Variants in GRIP1 observed in about 807,000 individuals in gnomAD.
The protein encoded by GRIP1 is glutamate receptor interacting protein 1, also known as glutamate receptor-interacting protein 1.
In GRIP1, 45 loss-of-function variants were observed where a neutral mutation model predicts 129.9. That is an observed-to-expected ratio of 0.35 (90% CI 0.27 to 0.44). The LOEUF (loss-of-function observed/expected upper bound fraction) is 0.44, where lower values mean the gene tolerates loss of function less well. Among genes scored for constraint, GRIP1 ranks in the 20% least tolerant of loss-of-function variants. The pLI, the probability that GRIP1 is intolerant of heterozygous loss-of-function variation, is 1.00. For missense variants in GRIP1, 1,196 were observed against 1,396.8 expected (o/e 0.86, Z 2.29); for synonymous variants, 530 against 520.8 (o/e 1.02, Z -0.24).
Position 66,940,326 on chromosome 12 carries a change from C to A in GRIP1, c.58+128724G>T, listed in dbSNP as rs548655749. 5.9e-5 allele frequency among the ~76,000 whole-genome samples: 9 copies of A among 152,230 alleles called. No individual in the cohort carries two copies. The South Asian group carries it at 1.9e-3, about 32-fold the overall frequency. On this transcript the variant is annotated intron_variant, in intron 1 of 1. Coordinates refer to the GRIP1 transcript ENST00000643019. The stretch of plus-strand genomic sequence containing the variant: ...ACCAAGATAACAGGGATAATATGCA[C>A]CATGAAATTAAATGAGAATTCTGGC...
rs1013613338 is a variant in GRIP1 at position 66,678,933 on chromosome 12, G to A, written c.-29C>T. ...TGCTCACTGCTTTCTGTGGCAAAGT[G>A]TACTCAAGGCTCTCTGCTCTGGTGG... On this transcript the variant is annotated 5_prime_UTR_variant, in exon 1 of 25. Transcript: ENST00000359742. The A allele has an allele frequency of 6.2e-7, 1 of 1,613,018 alleles. No homozygotes were observed.
chr12:66,617,060 A>G (rs2139932090), intron 1 of GRIP1, among the ~76,000 whole-genome samples: 1 of 149,524 alleles, frequency 6.7e-6, no homozygotes, highest in East Asian at 2.0e-4. Flanking sequence ...AGAGTTAGGG[A>G]GCAACTTGAC....
At chr12:66,923,160 T>A (rs1274200002) in intron 1 of GRIP1, among the ~76,000 whole-genome samples, 1 of 152,144 alleles carries the variant, frequency 6.6e-6, no homozygotes, top group African/African-American at 2.4e-5. Context: ...TATAAACAGT[T>A]ATCAGGTTGT....
In GRIP1 at chr12:67,046,425, G is replaced by A. The variant is rs2043255094; in HGVS notation, c.58+22625C>T. 2.0e-5 allele frequency among the ~76,000 whole-genome samples: 3 copies of A among 152,110 alleles called. No individual in the cohort carries two copies. The South Asian group carries it at 6.2e-4, about 31-fold the overall frequency. On this transcript the variant is annotated intron_variant, in intron 1 of 1. Transcript: ENST00000643019. ...GACATTGCTTCAGTTCCCTAGCTGG[G>A]CTTTTTGCTCTACTAGTAACACTGA...
chr12:66,734,685 G>T (rs1358639685), intron 1 of GRIP1, among the ~76,000 whole-genome samples: 2 of 152,108 alleles, frequency 1.3e-5, no homozygotes, highest in African/African-American at 4.8e-5. Flanking sequence ...AGATCAGTGT[G>T]GGAAGATAAC....
intron 15 of GRIP1, among the ~76,000 whole-genome samples, chr12:66,408,632 T>C (rs2057281719): frequency 6.6e-6 from 1 of 152,114 alleles, no homozygotes; most frequent in Admixed American, 6.5e-5. Flanking sequence ...AGAGGCTGTT[T>C]CTGCTTGAGA....
chr12:66,592,090 T>A (rs1225642372), intron 2 of GRIP1, among the ~76,000 whole-genome samples: 1 of 152,144 alleles, frequency 6.6e-6, no homozygotes, highest in Non-Finnish European at 1.5e-5. Flanking sequence ...TCTAATTATA[T>A]GAATAAAAAA....
At chr12:66,614,745 C>A (rs2064965983) in intron 1 of GRIP1, among the ~76,000 whole-genome samples, 1 of 152,132 alleles carries the variant, frequency 6.6e-6, no homozygotes, top group African/African-American at 2.4e-5. Flanking sequence ...TGTAATCCGA[C>A]CCCAACCCAT....
intron 1 of GRIP1, among the ~76,000 whole-genome samples, chr12:67,056,787 T>C (rs906221585): frequency 2.6e-5 from 4 of 152,118 alleles, no homozygotes; most frequent in African/African-American, 9.7e-5. Context: ...TGTTATGGAC[T>C]GAATGGTTTT....
At chr12:66,437,471 A>G (rs2058345037) in intron 13 of GRIP1, among the ~76,000 whole-genome samples, 2 of 152,184 alleles carry the variant, frequency 1.3e-5, no homozygotes, top group East Asian at 1.9e-4. Flanking sequence ...ATTGCCATCT[A>G]TTTGAAGTGG....
At chr12:66,703,922 A>G (rs2035437179) in intron 1 of GRIP1, among the ~76,000 whole-genome samples, 1 of 152,110 alleles carries the variant, frequency 6.6e-6, no homozygotes, top group African/African-American at 2.4e-5. Context: ...ATGTCACTAA[A>G]TTATACACTT....
intron 1 of GRIP1, among the ~76,000 whole-genome samples, chr12:66,634,241 AT>A (rs893646549): frequency 3.3e-5 from 5 of 152,038 alleles, no homozygotes; most frequent in East Asian, 1.9e-4. Flanking sequence ...TATGTGTTAC[AT>A]TTTTTTTCCC....
At chr12:66,462,827 A>C in intron 9 of GRIP1, 97 bp downstream of exon 9, 1 of 696,556 alleles carries the variant, frequency 1.4e-6, no homozygotes, top group East Asian at 2.9e-5. Context: ...AAAAAAAGGC[A>C]GAATGAGACC....
intron 1 of GRIP1, among the ~76,000 whole-genome samples, chr12:66,874,447 G>A (rs1233885636): frequency 6.6e-6 from 1 of 151,708 alleles, no homozygotes; most frequent in Non-Finnish European, 1.5e-5. Context: ...TGGTGTATTA[G>A]TCCATTCTTG....
intron 1 of GRIP1, among the ~76,000 whole-genome samples, chr12:66,599,077 T>C (rs1427057774): frequency 6.6e-6 from 1 of 152,184 alleles, no homozygotes; most frequent in East Asian, 1.9e-4. Flanking sequence ...GATAGTCTAG[T>C]TGAGCACATC....
intron 7 of GRIP1, among the ~76,000 whole-genome samples, chr12:66,469,997 T>C (rs775169435): frequency 6.6e-6 from 1 of 152,112 alleles, no homozygotes; most frequent in East Asian, 1.9e-4. Context: ...TTCTCCCAGA[T>C]CCTTATAAAT....
chr12:66,809,189 C>T (rs142050426), intron 1 of GRIP1, among the ~76,000 whole-genome samples: 7 of 152,232 alleles, frequency 4.6e-5, no homozygotes, highest in South Asian at 2.1e-4. Context: ...ACATGATTTC[C>T]GTACTCTTCT....
intron 1 of GRIP1, among the ~76,000 whole-genome samples, chr12:66,858,262 C>T (rs939965706): frequency 2.6e-5 from 4 of 151,764 alleles, no homozygotes; most frequent in Non-Finnish European, 4.4e-5. Context: ...TAAAACAACG[C>T]TATAAAAGTA....
intron 9 of GRIP1, among the ~76,000 whole-genome samples, chr12:66,460,449 G>A (rs11608268): frequency 0.22 from 33,899 of 152,142 alleles, 4,367 homozygotes; most frequent in Middle Eastern, 0.41. Context: ...TCCTGGTACT[G>A]AATGTGTCGA....
Sources: allele counts gnomAD v4.1 joint callset (sites outside exome capture counted in the v4.1 genomes callset), GRCh38; gene constraint gnomAD v4.1.1; transcripts MANE v1.5; gene names NCBI Gene and HGNC (gene_info 2026-07-23, HGNC 2026-07-21).